RAB3C: variants seen among roughly 807,000 people sequenced by gnomAD.
The protein encoded by RAB3C is ras-related protein Rab-3C.
A neutral mutation model predicts 26.4 loss-of-function variants in RAB3C; 17 were observed. That is an observed-to-expected ratio of 0.64 (90% CI 0.44 to 0.97). The LOEUF (loss-of-function observed/expected upper bound fraction) is 0.97, where lower values mean the gene tolerates loss of function less well. Among genes scored for constraint, RAB3C ranks in the 50% least tolerant of loss-of-function variants. The pLI is 0.00. For synonymous variants in RAB3C, 91 were observed against 95.9 expected (o/e 0.95, Z 0.30); for missense variants, 242 against 281.9 (o/e 0.86, Z 1.01).
intron 2 of RAB3C, among the ~76,000 whole-genome samples, chr5:58,686,046 A>T (rs928961691): frequency 3.3e-5 from 5 of 152,198 alleles, no homozygotes; most frequent in African/African-American, 1.2e-4. Flanking sequence ...TGAAATGTGA[A>T]TTAGAGGGAA....
At chr5:58,659,901 T>C (rs547922643) in intron 2 of RAB3C, among the ~76,000 whole-genome samples, 1 of 152,264 alleles carries the variant, frequency 6.6e-6, no homozygotes, top group African/African-American at 2.4e-5. Context: ...CCTCCTGGGC[T>C]CAAGCCATCC....
chr5:58,853,272 A>G lies in RAB3C; in HGVS notation c.*1921A>G, dbSNP rs1744154977. 1 of 152,222 alleles carries G rather than the reference A, an allele frequency of 6.6e-6. No homozygotes were observed. The highest frequency in any genetic ancestry group is 1.5e-5 in the Non-Finnish European group (1 of 68,032). 9.4% of individuals were successfully genotyped at this position (152,222 alleles called of 1,614,324 possible). A position where few individuals can be genotyped will look rare whatever the true frequency, so the allele number is the denominator to read the frequency against. ...TTTGTAGCAGTAGTCTGTTTGTACA[A>G]TGTTATAATATTTCTGTAACTTGGG... On this transcript the variant is annotated 3_prime_UTR_variant, in exon 5 of 5. Transcript: ENST00000282878.
intron 2 of RAB3C, among the ~76,000 whole-genome samples, chr5:58,725,659 G>A (rs10058168): frequency 0.13 from 18,985 of 151,720 alleles, 1,531 homozygotes; most frequent in Non-Finnish European, 0.18. Context: ...TACAATAATC[G>A]ATTGTATATT....
At chr5:58,804,967 G>T (rs1004895069) in intron 3 of RAB3C, among the ~76,000 whole-genome samples, 1 of 150,136 alleles carries the variant, frequency 6.7e-6, no homozygotes. Context: ...ACTAGATATT[G>T]CAGTAGTAAA....
intron 2 of RAB3C, among the ~76,000 whole-genome samples, chr5:58,670,806 A>G (rs1186651786): frequency 6.6e-6 from 1 of 152,176 alleles, no homozygotes; most frequent in Non-Finnish European, 1.5e-5. Context: ...TTCAAGGTCA[A>G]AGTCAGAAAT....
At chr5:58,771,313 A>T (rs921516798) in intron 3 of RAB3C, among the ~76,000 whole-genome samples, 3 of 152,172 alleles carry the variant, frequency 2.0e-5, no homozygotes, top group African/African-American at 7.2e-5. Flanking sequence ...CTGCTTTAAA[A>T]GAGATTCTGT....
intron 3 of RAB3C, among the ~76,000 whole-genome samples, chr5:58,797,022 C>T (rs1742672065): frequency 6.6e-6 from 1 of 151,740 alleles, no homozygotes; most frequent in Admixed American, 6.6e-5. Context: ...CACCTACCTT[C>T]CCTCATATTT....
intron 2 of RAB3C, among the ~76,000 whole-genome samples, chr5:58,636,635 C>T (rs542590754): frequency 1.2e-4 from 19 of 152,246 alleles, no homozygotes; most frequent in African/African-American, 4.6e-4. Context: ...ATTTTGCCAG[C>T]CTCCTCTAAT....
intron 1 of RAB3C, among the ~76,000 whole-genome samples, chr5:58,613,683 A>G (rs1302032147): frequency 6.6e-6 from 1 of 152,152 alleles, no homozygotes; most frequent in Non-Finnish European, 1.5e-5. Context: ...GTCAAGTGTG[A>G]TAAGATATAA....
chr5:58,797,353 A>AT (rs1274064660), intron 3 of RAB3C, among the ~76,000 whole-genome samples: 90 of 25,916 alleles, frequency 3.5e-3, no homozygotes, highest in African/African-American at 9.4e-3. Flanking sequence ...AAAAAAAAAA[A>AT]ATATGTATAT....
At chr5:58,819,793 T>C (rs2675383) in intron 3 of RAB3C, among the ~76,000 whole-genome samples, 83,553 of 151,876 alleles carry the variant, frequency 0.55, 23,470 homozygotes, top group Middle Eastern at 0.72. Flanking sequence ...GCGTGAGAAT[T>C]GCTTGAAACT....
At chr5:58,689,225 T>C (rs1748511245) in intron 2 of RAB3C, 1 of 152,128 alleles carries the variant, frequency 6.6e-6, no homozygotes, top group African/African-American at 2.4e-5. Flanking sequence ...ATATACTACC[T>C]CTTATGCGAA....
rs1740879450 is a variant in RAB3C, at chr5:58,725,895, C to T, written c.253-107C>T. 5 of 626,204 alleles carry T rather than the reference C, an allele frequency of 8.0e-6. No homozygotes were observed. In the Admixed American group the frequency reaches 1.4e-4, roughly 18 times the overall value. The allele number at this position is 626,204 out of a possible 1,614,324, so 38.8% of individuals were successfully genotyped here. A position where few individuals can be genotyped will look rare whatever the true frequency, so the allele number is the denominator to read the frequency against. On this transcript the variant is annotated intron_variant, in intron 2 of 4. Transcript: ENST00000282878. Reference sequence around the variant, plus strand: ...AAAAAAGATAGACAGCTATACACAACAAGTACATTTTAGACTCTATTGTGA... The same window carrying T: ...AAAAAAGATAGACAGCTATACACAATAAGTACATTTTAGACTCTATTGTGA...
intron 2 of RAB3C, among the ~76,000 whole-genome samples, chr5:58,660,432 G>A (rs1471543737): frequency 6.7e-6 from 1 of 150,144 alleles, no homozygotes; most frequent in Non-Finnish European, 1.5e-5. Flanking sequence ...AACAACATGA[G>A]AGGACGACGT....
chr5:58,592,671 AAG>A (rs1746160013), intron 1 of RAB3C, among the ~76,000 whole-genome samples: 1 of 152,104 alleles, frequency 6.6e-6, no homozygotes, highest in Non-Finnish European at 1.5e-5. Flanking sequence ...ATTTTTGAAT[AAG>A]AGTTTTGCCT....
chr5:58,661,102 T>A (rs956689900), intron 2 of RAB3C, among the ~76,000 whole-genome samples: 2 of 150,176 alleles, frequency 1.3e-5, no homozygotes, highest in Non-Finnish European at 2.9e-5. Context: ...TATTAAAGTA[T>A]TAATTGTGGG....
intron 2 of RAB3C, among the ~76,000 whole-genome samples, chr5:58,659,235 C>T (rs1248951778): frequency 1.3e-5 from 2 of 152,154 alleles, no homozygotes; most frequent in Non-Finnish European, 2.9e-5. Flanking sequence ...TATACACATG[C>T]ACATATATAA....
chr5:58,647,186 T>C (rs1436659864), intron 2 of RAB3C, among the ~76,000 whole-genome samples: 4 of 152,230 alleles, frequency 2.6e-5, no homozygotes, highest in Non-Finnish European at 5.9e-5. Context: ...AAAGATACTG[T>C]ATTAGTCCGT....
intron 3 of RAB3C, among the ~76,000 whole-genome samples, chr5:58,739,390 TC>T (rs1741226842): frequency 6.6e-6 from 1 of 152,220 alleles, no homozygotes; most frequent in African/African-American, 2.4e-5. Context: ...AGTGTGGGAT[TC>T]CTTTCTATAG....
Sources: allele counts gnomAD v4.1 joint callset (sites outside exome capture counted in the v4.1 genomes callset), GRCh38; gene constraint gnomAD v4.1.1; transcripts MANE v1.5; gene names NCBI Gene and HGNC (gene_info 2026-07-23, HGNC 2026-07-21).